Variants in NOL4 observed in about 807,000 individuals in gnomAD.
NOL4 encodes nucleolar protein 4.
Under a neutral mutation model 75.9 loss-of-function variants are expected in NOL4, and 17 were observed. That is an observed-to-expected ratio of 0.22 (90% CI 0.15 to 0.34). The LOEUF (loss-of-function observed/expected upper bound fraction) is 0.34. NOL4 is among the 10% of genes least tolerant of loss of function. The pLI is 1.00. For synonymous variants in NOL4, 292 were observed against 289.9 expected, an observed-to-expected ratio of 1.01 and a Z score of -0.07; for missense variants, 614 against 793.5, an observed-to-expected ratio of 0.77 and a Z score of 2.72.
At position 33,943,136 on chromosome 18, in the gene NOL4, T is replaced by C. The variant is rs1391938170; in HGVS notation, c.1471A>G (p.Ser491Gly). 8 of 1,611,166 alleles carry C rather than the reference T, an allele frequency of 5.0e-6. No homozygotes were observed. The highest frequency in any genetic ancestry group is 6.8e-6 in the Non-Finnish European group (8 of 1,178,648). ...CTCTCACAAGCTGAAGCCAAGATAC[T>C]CTCTGCAACTGCTGAAGTAAGGTGG... ...PSHLTSAVAE[S>G]ILASACESES... is the part of the protein sequence containing the mutation. Residue 491 changes from serine (S) to glycine (G), a missense_variant, in exon 9 of 11, where the codon AGT (serine) becomes GGT (glycine). Physicochemically the swap from Ser to Gly is moderately conservative, Grantham distance 56 (BLOSUM62 0). Transcript: ENST00000261592.
chr18:33,971,252 G>A (rs1219918100), intron 6 of NOL4, among the ~76,000 whole-genome samples: 1 of 152,168 alleles, frequency 6.6e-6, no homozygotes, highest in Non-Finnish European at 1.5e-5. Flanking sequence ...GCATAATGCA[G>A]TTACGTTTGT....
chr18:34,090,870 T>C (rs1449379795), intron 5 of NOL4, among the ~76,000 whole-genome samples: 2 of 152,080 alleles, frequency 1.3e-5, no homozygotes, highest in African/African-American at 2.4e-5. Flanking sequence ...ATAAAGTCTT[T>C]TGCAGGGGTG....
intron 9 of NOL4, among the ~76,000 whole-genome samples, chr18:33,896,400 T>C (rs2065410923): frequency 1.3e-5 from 2 of 151,936 alleles, no homozygotes; most frequent in South Asian, 2.1e-4. Context: ...AAGGCTACAG[T>C]AACCAAATCA....
intron 1 of NOL4, among the ~76,000 whole-genome samples, chr18:34,172,608 TC>T (rs2033156836): frequency 6.6e-6 from 1 of 152,116 alleles, no homozygotes; most frequent in Non-Finnish European, 1.5e-5. Context: ...TATACTGTTT[TC>T]CATAATGACT....
At chr18:34,203,418 A>C (rs1439507997) in intron 1 of NOL4, among the ~76,000 whole-genome samples, 3 of 151,980 alleles carry the variant, frequency 2.0e-5, no homozygotes, top group Non-Finnish European at 4.4e-5. Context: ...AGAAATTAAT[A>C]TGCAGACACA....
chr18:33,945,629 A>G (rs2068782425), intron 8 of NOL4, among the ~76,000 whole-genome samples: 1 of 151,774 alleles, frequency 6.6e-6, no homozygotes, highest in Admixed American at 6.6e-5. Context: ...TTAGAACTAG[A>G]TATATTTTAA....
At chr18:33,895,666 A>T (rs1011078906) in intron 9 of NOL4, among the ~76,000 whole-genome samples, 1 of 152,142 alleles carries the variant, frequency 6.6e-6, no homozygotes, top group Non-Finnish European at 1.5e-5. Flanking sequence ...AAGAAAAAAA[A>T]TAGCCATCTA....
intron 1 of NOL4, among the ~76,000 whole-genome samples, chr18:34,194,424 G>GA: frequency 1.0e-4 from 12 of 118,224 alleles, no homozygotes; most frequent in African/African-American, 2.6e-4. Flanking sequence ...AGGAGGGAGG[G>GA]AGGGAAGGAA....
chr18:33,957,522 T>A lies in NOL4; in HGVS notation c.1237-5A>T, dbSNP rs2069740161. On this transcript the variant is annotated splice_region_variant and splice_polypyrimidine_tract_variant and intron_variant, in intron 7 of 10. Coordinates refer to ENST00000261592, the MANE Select transcript of NOL4 (RefSeq NM_003787.5). ...TACAAACAGCCTGACAAACATCTGT[T>A]GGCAAGAGGGAGACAGAGGAGAAGG... 6.2e-7 allele frequency: 1 copy of A among 1,611,194 alleles called. No individual in the cohort carries two copies. The highest frequency in any genetic ancestry group is 8.5e-7 in the Non-Finnish European group (1 of 1,178,284).
intron 9 of NOL4, among the ~76,000 whole-genome samples, chr18:33,936,687 T>C (rs983968859): frequency 1.3e-5 from 2 of 152,124 alleles, no homozygotes; most frequent in African/African-American, 4.8e-5. Context: ...CTGGTGGTTT[T>C]ATATGATCTT....
At position 33,993,832 on chromosome 18, in the gene NOL4, G is replaced by A. The variant is rs1434471621; in HGVS notation, c.1056+25486C>T. ...ATTGTAATAAAAAAATCTACTAGAA[G>A]GGATTAACAGTAGATTTGACCTGAT... On this transcript the variant is annotated intron_variant, in intron 6 of 10. Coordinates refer to ENST00000261592, the MANE Select transcript of NOL4 (RefSeq NM_003787.5). 3.3e-5 allele frequency among the ~76,000 whole-genome samples: 5 copies of A among 151,624 alleles called. No individual in the cohort carries two copies. The East Asian group carries it at 7.8e-4, about 24-fold the overall frequency.
chr18:33,877,925 G>C (rs887576507), intron 10 of NOL4, among the ~76,000 whole-genome samples: 1 of 151,702 alleles, frequency 6.6e-6, no homozygotes, highest in Non-Finnish European at 1.5e-5. Context: ...ATCTAGACTT[G>C]GAGTTCTGGA....
At position 34,222,922 on chromosome 18, in the gene NOL4, T is replaced by C. The variant is rs2037426699; in HGVS notation, c.264+68A>G. On this transcript the variant is annotated intron_variant, in intron 1 of 10. Transcript: ENST00000261592. ...CTCACGGCTCCCCCTCTCTCCCGCC[T>C]CTCTCCTTCCTCCCTCCCCGCCGGG... 3 of 1,567,264 alleles carry C rather than the reference T, an allele frequency of 1.9e-6. No homozygotes were observed. The South Asian group carries it at 3.5e-5, about 18-fold the overall frequency.
intron 5 of NOL4, among the ~76,000 whole-genome samples, chr18:34,077,397 A>G (rs867087943): frequency 5.3e-4 from 81 of 152,110 alleles, no homozygotes; most frequent in African/African-American, 1.9e-3. Context: ...TCTTTTACTA[A>G]TGCTTTCATA....
At chr18:34,186,474 G>A (rs1225833138) in intron 1 of NOL4, among the ~76,000 whole-genome samples, 1 of 152,128 alleles carries the variant, frequency 6.6e-6, no homozygotes, top group Admixed American at 6.5e-5. Context: ...TGTATAAAAT[G>A]AGGAGTGAAC....
At chr18:34,053,564 G>A (rs1271389143) in intron 5 of NOL4, among the ~76,000 whole-genome samples, 1 of 151,846 alleles carries the variant, frequency 6.6e-6, no homozygotes, top group Admixed American at 6.6e-5. Context: ...ATGGAAAATT[G>A]TCTCTGAGCC....
chr18:34,150,681 G>A (rs1323916070), intron 1 of NOL4, among the ~76,000 whole-genome samples: 2 of 151,528 alleles, frequency 1.3e-5, no homozygotes, highest in Non-Finnish European at 1.5e-5. Context: ...CTTGGGCATG[G>A]ATATGACTAC....
intron 10 of NOL4, among the ~76,000 whole-genome samples, chr18:33,878,996 T>C (rs1390985712): frequency 6.6e-6 from 1 of 152,166 alleles, no homozygotes; most frequent in African/African-American, 2.4e-5. Flanking sequence ...TTCAAACTTA[T>C]GGAGTCAAAT....
At chr18:34,015,535 A>T (rs2074635295) in intron 6 of NOL4, among the ~76,000 whole-genome samples, 2 of 151,826 alleles carry the variant, frequency 1.3e-5, no homozygotes, top group South Asian at 4.2e-4. Context: ...TTTCTCCACA[A>T]ATTCCTTTTA....
Sources: allele counts gnomAD v4.1 joint callset (sites outside exome capture counted in the v4.1 genomes callset), GRCh38; gene constraint gnomAD v4.1.1; transcripts MANE v1.5; gene names NCBI Gene and HGNC (gene_info 2026-07-23, HGNC 2026-07-21).